Variants in QKI observed in about 807,000 individuals in gnomAD.
QKI encodes the protein KH domain-containing RNA-binding protein QKI.
A neutral mutation model predicts 39.0 loss-of-function variants in QKI; 10 were observed. The observed-to-expected ratio is 0.26, with a 90% CI of 0.16 to 0.43. The LOEUF is 0.43. QKI is among the 20% of genes least tolerant of loss of function. QKI has a pLI of 1.00. For synonymous variants in QKI, 204 were observed against 155.4 expected, an observed-to-expected ratio of 1.31 and a Z score of -2.33; for missense variants, 218 against 428.0, an observed-to-expected ratio of 0.51 and a Z score of 4.33.
At chr6:163,553,853 T>C (rs1402780933) in intron 4 of QKI, among the ~76,000 whole-genome samples, 3 of 152,186 alleles carry the variant, frequency 2.0e-5, no homozygotes, top group African/African-American at 7.2e-5. Flanking sequence ...GCATCATATT[T>C]GTGTGTGTTT....
At chr6:163,553,047 T>G (rs1415743274) in intron 4 of QKI, among the ~76,000 whole-genome samples, 8 of 137,538 alleles carry the variant, frequency 5.8e-5, no homozygotes, top group South Asian at 2.3e-4. Flanking sequence ...TTTCAGGTTC[T>G]TTTTTTTTTT....
At chr6:163,437,389 C>T (rs1227535444) in intron 1 of QKI, among the ~76,000 whole-genome samples, 1 of 152,120 alleles carries the variant, frequency 6.6e-6, no homozygotes, top group Non-Finnish European at 1.5e-5. Flanking sequence ...GTATAATTAG[C>T]TGAATATAAT....
chr6:163,566,274 A>T (rs1274433666), intron 6 of QKI: 2 of 1,231,748 alleles, frequency 1.6e-6, no homozygotes, highest in African/African-American at 3.1e-5. Flanking sequence ...TTAAAACCAC[A>T]ATCTGTAGGC....
At chr6:163,461,520 A>G (rs1791349430) in intron 2 of QKI, among the ~76,000 whole-genome samples, 1 of 152,200 alleles carries the variant, frequency 6.6e-6, no homozygotes, top group Non-Finnish European at 1.5e-5. Flanking sequence ...GGTTTATCTA[A>G]AAAGAGTTTC....
chr6:163,440,444 C>G (rs1789679753), intron 1 of QKI, among the ~76,000 whole-genome samples: 1 of 152,188 alleles, frequency 6.6e-6, no homozygotes. Context: ...CTGACTTCCA[C>G]CACAGAGTTC....
chr6:163,416,664 T>C (rs1193390848), intron 1 of QKI, among the ~76,000 whole-genome samples: 1 of 152,250 alleles, frequency 6.6e-6, no homozygotes, highest in Non-Finnish European at 1.5e-5. Flanking sequence ...TTCTGTTGTC[T>C]TGAAAGTCAT....
intron 4 of QKI, among the ~76,000 whole-genome samples, chr6:163,538,894 C>T (rs1173257549): frequency 6.6e-6 from 1 of 151,994 alleles, no homozygotes; most frequent in Non-Finnish European, 1.5e-5. Flanking sequence ...TACACTTTTA[C>T]AAGAGCAGGT....
At chr6:163,501,255 G>A (rs1439238048) in intron 3 of QKI, among the ~76,000 whole-genome samples, 2 of 149,054 alleles carry the variant, frequency 1.3e-5, no homozygotes, top group African/African-American at 5.0e-5. Flanking sequence ...AAGAGATTTC[G>A]TTTATGGATG....
intron 6 of QKI, 172 bp from the exon 7 acceptor site, chr6:163,566,549 A>T: frequency 6.8e-7 from 1 of 1,472,402 alleles, no homozygotes; most frequent in East Asian, 2.6e-5. Flanking sequence ...TAATAGATGC[A>T]TATATACATG....
At chr6:163,549,659 C>T (rs970953108) in intron 4 of QKI, among the ~76,000 whole-genome samples, 3 of 152,170 alleles carry the variant, frequency 2.0e-5, no homozygotes, top group Admixed American at 1.3e-4. Flanking sequence ...TTGCAGTGAG[C>T]CGAGATCGTG....
intron 4 of QKI, among the ~76,000 whole-genome samples, chr6:163,556,653 CTG>C (rs1483058044): frequency 1.3e-5 from 2 of 151,908 alleles, no homozygotes; most frequent in Admixed American, 6.6e-5. Context: ...GTTCAGAAAA[CTG>C]TGTTTATAGT....
chr6:163,465,110 A>T (rs1791636788), intron 2 of QKI, among the ~76,000 whole-genome samples: 1 of 152,212 alleles, frequency 6.6e-6, no homozygotes, highest in South Asian at 2.1e-4. Context: ...AGATGCAAAA[A>T]AGGCATTTGA....
chr6:163,537,184 T>C (rs1781257750), intron 4 of QKI, among the ~76,000 whole-genome samples: 1 of 152,150 alleles, frequency 6.6e-6, no homozygotes, highest in Admixed American at 6.5e-5. Flanking sequence ...GGTGACAGAA[T>C]AAGACCCTGT....
At chr6:163,446,154 G>A (rs1373008229) in intron 1 of QKI, among the ~76,000 whole-genome samples, 1 of 152,110 alleles carries the variant, frequency 6.6e-6, no homozygotes, top group East Asian at 1.9e-4. Flanking sequence ...TTAAGGAAGA[G>A]CTGTCCCCTT....
chr6:163,568,512 G>T, intron 7 of QKI: 1 of 984,738 alleles, frequency 1.0e-6, no homozygotes, highest in Non-Finnish European at 1.2e-6. Flanking sequence ...TTCTTTTTTA[G>T]TAACAGAGTA....
chr6:163,488,973 C>CTTTTT (rs767477914), intron 3 of QKI, among the ~76,000 whole-genome samples: 2 of 122,120 alleles, frequency 1.6e-5, no homozygotes, highest in Non-Finnish European at 1.7e-5. Context: ...CCTTCCATTT[C>CTTTTT]TTTTTTTTTT....
intron 7 of QKI, chr6:163,569,000 T>C (rs2128252372): frequency 1.0e-6 from 1 of 984,716 alleles, no homozygotes; most frequent in South Asian, 4.7e-5. Context: ...TCAGAGTTTT[T>C]TCTGAGTAAT....
chr6:163,512,248 C>T (rs1450056346), intron 3 of QKI, among the ~76,000 whole-genome samples: 1 of 151,926 alleles, frequency 6.6e-6, no homozygotes, highest in African/African-American at 2.4e-5. Context: ...GTAAAATTCT[C>T]AGTGTGTTCC....
At chr6:163,508,606 T>A (rs1458436191) in intron 3 of QKI, among the ~76,000 whole-genome samples, 2 of 151,086 alleles carry the variant, frequency 1.3e-5, no homozygotes, top group East Asian at 4.0e-4. Context: ...CTTGGCTTAC[T>A]GCAAGCTCCA....
Sources: allele counts gnomAD v4.1 joint callset (sites outside exome capture counted in the v4.1 genomes callset), GRCh38; gene constraint gnomAD v4.1.1; transcripts MANE v1.5; gene names NCBI Gene and HGNC (gene_info 2026-07-23, HGNC 2026-07-21).